DCC: variants seen among roughly 807,000 people sequenced by gnomAD.
DCC encodes the protein DCC netrin 1 receptor.
A neutral mutation model predicts 172.5 loss-of-function variants in DCC; 58 were observed. That is an observed-to-expected ratio of 0.34 (90% CI 0.27 to 0.42). The LOEUF (loss-of-function observed/expected upper bound fraction) is 0.42, where lower values mean the gene tolerates loss of function less well. Among genes scored for constraint, DCC ranks in the 10% least tolerant of loss-of-function variants. The pLI is 1.00. For missense variants in DCC, 1,740 were observed against 1,791.0 expected, an observed-to-expected ratio of 0.97 and a Z score of 0.51; for synonymous variants, 709 against 644.5, an observed-to-expected ratio of 1.10 and a Z score of -1.52.
At chr18:52,544,982 A>G (rs1256827182) in intron 1 of DCC, among the ~76,000 whole-genome samples, 2 of 152,202 alleles carry the variant, frequency 1.3e-5, no homozygotes, top group African/African-American at 2.4e-5. Flanking sequence ...TGGAGATGGA[A>G]CAATTAAGAA....
intron 2 of DCC, among the ~76,000 whole-genome samples, chr18:52,820,465 G>C (rs970331464): frequency 1.3e-5 from 2 of 151,740 alleles, no homozygotes; most frequent in Non-Finnish European, 2.9e-5. Flanking sequence ...TGTTTTTAAT[G>C]TTTTTGTAAC....
At chr18:52,792,462 G>A (rs1273188313) in intron 2 of DCC, among the ~76,000 whole-genome samples, 2 of 152,168 alleles carry the variant, frequency 1.3e-5, no homozygotes, top group Non-Finnish European at 2.9e-5. Context: ...TAAGCCTTTG[G>A]GTAACACTCA....
intron 2 of DCC, among the ~76,000 whole-genome samples, chr18:52,814,265 G>C (rs2038250492): frequency 6.6e-6 from 1 of 152,224 alleles, no homozygotes; most frequent in African/African-American, 2.4e-5. Flanking sequence ...TTGGGAGCCA[G>C]CCAGTCTGGA....
Position 53,165,210 on chromosome 18 carries a change from A to G in DCC, c.1418+7698A>G, listed in dbSNP as rs564872064. Reference sequence around the variant, plus strand: ...GATAGCCCCTGACTTGCTCAAGGTCACACACTGTTTTGTGGCAGAACAAAG... The same window carrying G: ...GATAGCCCCTGACTTGCTCAAGGTCGCACACTGTTTTGTGGCAGAACAAAG... On this transcript the variant is annotated intron_variant, in intron 8 of 28. Coordinates refer to ENST00000442544, the MANE Select transcript of DCC (RefSeq NM_005215.4). Among the ~76,000 whole-genome samples, 14 of 152,312 alleles carry G rather than the reference A, an allele frequency of 9.2e-5. No individual in the cohort carries two copies. In the South Asian group the frequency reaches 2.9e-3, roughly 32 times the overall value.
chr18:52,477,323 A>G (rs957791025), intron 1 of DCC, among the ~76,000 whole-genome samples: 1 of 152,330 alleles, frequency 6.6e-6, no homozygotes, highest in South Asian at 2.1e-4. Context: ...GGGTTGCCCT[A>G]TAGTCACATA....
At chr18:53,088,524 A>C (rs1035547236) in intron 7 of DCC, among the ~76,000 whole-genome samples, 2 of 152,182 alleles carry the variant, frequency 1.3e-5, no homozygotes, top group Admixed American at 6.5e-5. Flanking sequence ...GGGGTTTTCT[A>C]GATATACAAT....
intron 21 of DCC, among the ~76,000 whole-genome samples, chr18:53,426,549 A>C (rs1178747740): frequency 6.6e-6 from 1 of 150,666 alleles, no homozygotes; most frequent in Non-Finnish European, 1.5e-5. Flanking sequence ...GCTTGCAAAA[A>C]GAATTCTCAC....
chr18:52,653,556 C>T (rs922652080), intron 1 of DCC, among the ~76,000 whole-genome samples: 7 of 152,078 alleles, frequency 4.6e-5, no homozygotes, highest in African/African-American at 1.7e-4. Context: ...GAGGTATGCA[C>T]AAAGGACTGT....
At chr18:52,447,603 C>A (rs1039049380) in intron 1 of DCC, among the ~76,000 whole-genome samples, 12 of 152,096 alleles carry the variant, frequency 7.9e-5, no homozygotes, top group Non-Finnish European at 1.3e-4. Flanking sequence ...ATACCTGAGA[C>A]TGGGTAATTT....
intron 1 of DCC, among the ~76,000 whole-genome samples, chr18:52,358,154 G>A (rs1984460598): frequency 6.6e-6 from 1 of 152,076 alleles, no homozygotes; most frequent in Non-Finnish European, 1.5e-5. Flanking sequence ...ACAAACACCT[G>A]ACCATATTCC....
At chr18:52,468,596 A>C (rs540242067) in intron 1 of DCC, among the ~76,000 whole-genome samples, 1 of 152,364 alleles carries the variant, frequency 6.6e-6, no homozygotes, top group Admixed American at 6.5e-5. Context: ...TAATATGTTT[A>C]GCAATGTAAA....
chr18:53,392,881 C>T (rs1599099970), intron 17 of DCC, among the ~76,000 whole-genome samples: 2 of 152,138 alleles, frequency 1.3e-5, no homozygotes, highest in East Asian at 3.9e-4. Context: ...ACATTTAGAA[C>T]TTAAAACTTC....
At chr18:52,502,298 A>G (rs2031051898) in intron 1 of DCC, among the ~76,000 whole-genome samples, 1 of 152,192 alleles carries the variant, frequency 6.6e-6, no homozygotes. Context: ...CAGGGACAAG[A>G]ATATTGACTA....
At chr18:53,305,765 A>G in intron 13 of DCC, 46 bp downstream of exon 13, 1 of 1,585,784 alleles carries the variant, frequency 6.3e-7, no homozygotes, top group Non-Finnish European at 8.7e-7. Context: ...GATGAATTAA[A>G]TGCTTTAGGA....
intron 2 of DCC, among the ~76,000 whole-genome samples, chr18:52,815,527 A>G (rs186928701): frequency 8.5e-5 from 13 of 152,204 alleles, no homozygotes; most frequent in African/African-American, 3.1e-4. Flanking sequence ...CAAAGAGAAT[A>G]GAGCCCTTAC....
chr18:52,735,407 A>T (rs2036710359), intron 1 of DCC, among the ~76,000 whole-genome samples: 2 of 152,318 alleles, frequency 1.3e-5, no homozygotes, highest in Non-Finnish European at 2.9e-5. Context: ...CTAAAGAGAC[A>T]GAACTAACGG....
chr18:52,391,887 G>T (rs1442294091), intron 1 of DCC, among the ~76,000 whole-genome samples: 4 of 152,158 alleles, frequency 2.6e-5, no homozygotes, highest in Non-Finnish European at 4.4e-5. Flanking sequence ...TCTTACAGTT[G>T]CATGGCTGGG....
chr18:52,614,362 G>A (rs2034337324), intron 1 of DCC, among the ~76,000 whole-genome samples: 1 of 152,142 alleles, frequency 6.6e-6, no homozygotes, highest in Non-Finnish European at 1.5e-5. Flanking sequence ...CCAGAGATCT[G>A]AAAGGAAGAT....
At chr18:52,629,156 G>A (rs1023529918) in intron 1 of DCC, among the ~76,000 whole-genome samples, 12 of 152,140 alleles carry the variant, frequency 7.9e-5, no homozygotes, top group South Asian at 2.1e-4. Flanking sequence ...AGAATCTCAC[G>A]GAAGAGCAAT....
Sources: gnomAD v4.1 joint callset for allele counts (sites outside exome capture counted in the v4.1 genomes callset) on GRCh38, gnomAD v4.1.1 for gene constraint, MANE v1.5 for transcripts, NCBI Gene and HGNC (gene_info 2026-07-23, HGNC 2026-07-21) for gene names.